The following EPHB1 variants were observed in gnomAD, a reference collection of about 807,000 sequenced individuals.
The protein encoded by EPHB1 is EPH receptor B1.
EPHB1 carries 30 observed loss-of-function variants against 94.4 expected under a neutral mutation model. That is an observed-to-expected ratio of 0.32 (90% CI 0.24 to 0.43). The LOEUF (loss-of-function observed/expected upper bound fraction) is 0.43, where lower values mean the gene tolerates loss of function less well. EPHB1 is among the 20% of genes least tolerant of loss of function. The probability of loss-of-function intolerance (pLI) is 1.00; values close to 1 mark genes in which losing one functional copy is unlikely to be tolerated. For missense variants in EPHB1, 1,055 were observed against 1,308.3 expected (o/e 0.81, Z 2.99); for synonymous variants, 522 against 489.1 (o/e 1.07, Z -0.89).
intron 7 of EPHB1, 94 bp downstream of exon 7, chr3:135,162,274 TC>T: frequency 7.4e-7 from 1 of 1,346,460 alleles, no homozygotes; most frequent in Non-Finnish European, 9.9e-7. Context: ...AAAATGCTGA[TC>T]TCCAACTGGA....
chr3:135,076,100 A>G (rs1327083744), intron 3 of EPHB1, among the ~76,000 whole-genome samples: 2 of 152,146 alleles, frequency 1.3e-5, no homozygotes, highest in Admixed American at 6.5e-5. Flanking sequence ...AACAAAAACT[A>G]TAAAATTTCT....
At chr3:135,080,926 T>C (rs533615898) in intron 3 of EPHB1, among the ~76,000 whole-genome samples, 12 of 152,162 alleles carry the variant, frequency 7.9e-5, no homozygotes, top group Non-Finnish European at 1.8e-4. Context: ...GTTTTGAGAG[T>C]TGAGTGATAT....
At chr3:134,999,104 T>C (rs1935091939) in intron 3 of EPHB1, among the ~76,000 whole-genome samples, 1 of 152,134 alleles carries the variant, frequency 6.6e-6, no homozygotes, top group Non-Finnish European at 1.5e-5. Flanking sequence ...ACCTGGTCAG[T>C]CACTGGTGAT....
chr3:135,144,902 G>A (rs915709888), intron 5 of EPHB1, among the ~76,000 whole-genome samples: 1 of 152,236 alleles, frequency 6.6e-6, no homozygotes, highest in East Asian at 1.9e-4. Flanking sequence ...GGGAATGTCA[G>A]AGACATCTCA....
At chr3:134,926,920 G>A (rs958272878) in intron 2 of EPHB1, among the ~76,000 whole-genome samples, 4 of 152,210 alleles carry the variant, frequency 2.6e-5, no homozygotes, top group South Asian at 4.1e-4. Flanking sequence ...AATTGGCAAT[G>A]GATGGACTAT....
intron 3 of EPHB1, among the ~76,000 whole-genome samples, chr3:135,054,285 T>G (rs1937283116): frequency 6.6e-6 from 1 of 152,150 alleles, no homozygotes; most frequent in Non-Finnish European, 1.5e-5. Context: ...GGACTTGAAC[T>G]GTAACTCTTC....
At chr3:135,071,903 T>A (rs2107782194) in intron 3 of EPHB1, among the ~76,000 whole-genome samples, 1 of 152,320 alleles carries the variant, frequency 6.6e-6, no homozygotes, top group African/African-American at 2.4e-5. Context: ...CAGATCCAGT[T>A]GCTGAATGAA....
In EPHB1 at chr3:135,041,405, T is replaced by G. The variant is rs967306354; in HGVS notation, c.806-65043T>G. On this transcript the variant is annotated intron_variant, in intron 3 of 15. Transcript: ENST00000398015. ...GTGATGCTGGTGTTCATGGCCTTCC[T>G]GTAAAGATACCTCCTCACATGGAGT... is the stretch of plus-strand genomic sequence containing the variant. Among the ~76,000 whole-genome samples the G allele has an allele frequency of 2.6e-5, 4 of 152,298 alleles. No individual in the cohort carries two copies. The East Asian group carries it at 7.7e-4, about 29-fold the overall frequency.
intron 3 of EPHB1, among the ~76,000 whole-genome samples, chr3:134,955,150 A>T (rs1578227860): frequency 1.9e-5 from 1 of 52,604 alleles, no homozygotes; most frequent in Non-Finnish European, 3.3e-5. Context: ...GTACATGTGC[A>T]CATTGTGCAG....
At chr3:135,106,628 G>A (rs751525117) in intron 4 of EPHB1, 25 bp downstream of exon 4, 104 of 1,610,602 alleles carry the variant, frequency 6.5e-5, no homozygotes, top group Middle Eastern at 1.6e-4. Context: ...ATGGCTCTGG[G>A]CTGGGGAGTT....
intron 3 of EPHB1, among the ~76,000 whole-genome samples, chr3:135,039,670 G>A (rs1194178920): frequency 1.3e-5 from 2 of 152,216 alleles, no homozygotes; most frequent in Non-Finnish European, 2.9e-5. Flanking sequence ...CCACTGGCCC[G>A]GCTGCTAAGT....
chr3:134,824,135 T>C (rs1264732336), intron 1 of EPHB1, among the ~76,000 whole-genome samples: 4 of 100,004 alleles, frequency 4.0e-5, no homozygotes, highest in African/African-American at 2.0e-4. Flanking sequence ...CTTTTTTTTT[T>C]TTTTTTTTTT....
intron 12 of EPHB1, among the ~76,000 whole-genome samples, chr3:135,227,212 AAGTG>A (rs1943422909): frequency 6.6e-6 from 1 of 152,246 alleles, no homozygotes; most frequent in African/African-American, 2.4e-5. Flanking sequence ...TTAAAGTAAA[AAGTG>A]AGTCTTACAC....
intron 1 of EPHB1, among the ~76,000 whole-genome samples, chr3:134,848,560 C>G (rs887386036): frequency 2.6e-5 from 4 of 152,334 alleles, no homozygotes; most frequent in South Asian, 2.1e-4. Flanking sequence ...ATCATCACTA[C>G]TTCATTCATC....
intron 3 of EPHB1, among the ~76,000 whole-genome samples, chr3:135,097,151 A>C (rs1338650146): frequency 7.1e-6 from 1 of 141,820 alleles, no homozygotes; most frequent in South Asian, 2.4e-4. Context: ...GCTTCAACGT[A>C]TGATTTTTTT....
intron 10 of EPHB1, among the ~76,000 whole-genome samples, chr3:135,186,151 T>C (rs1396647077): frequency 1.3e-5 from 2 of 152,254 alleles, no homozygotes; most frequent in Admixed American, 1.3e-4. Flanking sequence ...TATATAGGTA[T>C]GCAGTTGTTT....
intron 3 of EPHB1, among the ~76,000 whole-genome samples, chr3:135,007,003 A>G (rs558069083): frequency 2.0e-5 from 3 of 152,298 alleles, no homozygotes; most frequent in East Asian, 3.9e-4. Flanking sequence ...GTGAGACCCA[A>G]TGGATCAGGA....
chr3:135,026,454 C>T (rs1319462120), intron 3 of EPHB1, among the ~76,000 whole-genome samples: 2 of 149,702 alleles, frequency 1.3e-5, no homozygotes, highest in African/African-American at 2.5e-5. Context: ...TTCCCAGCAC[C>T]ATTTATTAAA....
chr3:135,112,089 C>T (rs1008237031), intron 4 of EPHB1, among the ~76,000 whole-genome samples: 11 of 152,188 alleles, frequency 7.2e-5, no homozygotes, highest in Non-Finnish European at 1.3e-4. Context: ...GGAAGCACAA[C>T]GTGGCTGGAG....
Sources: allele counts gnomAD v4.1 joint callset (sites outside exome capture counted in the v4.1 genomes callset), GRCh38; gene constraint gnomAD v4.1.1; transcripts MANE v1.5; gene names NCBI Gene and HGNC (gene_info 2026-07-23, HGNC 2026-07-21).